The following GBF1 variants were observed in gnomAD, a reference collection of about 807,000 sequenced individuals.
GBF1 encodes the protein Golgi-specific brefeldin A-resistance guanine nucleotide exchange factor 1.
GBF1 carries 114 observed loss-of-function variants against 210.5 expected under a neutral mutation model. The ratio of observed to expected loss-of-function variants is 0.54; its 90% CI spans 0.47 to 0.63. The LOEUF is 0.63. GBF1 is among the 30% of genes least tolerant of loss of function. The pLI is 0.00. For synonymous variants in GBF1, 850 were observed against 889.2 expected, an observed-to-expected ratio of 0.96 and a Z score of 0.78; for missense variants, 1,851 against 2,357.7, an observed-to-expected ratio of 0.79 and a Z score of 4.45.
At chr10:102,307,368 C>T (rs2077981622) in intron 3 of GBF1, among the ~76,000 whole-genome samples, 1 of 139,938 alleles carries the variant, frequency 7.1e-6, no homozygotes, top group Non-Finnish European at 1.5e-5. Context: ...ATGATAGAGA[C>T]ATATATGAAA....
Position 102,269,464 on chromosome 10 carries a change from G to T in GBF1, c.163+9348G>T, listed in dbSNP as rs1444626101. ...CCTGGAAAGCAGCTTGGGAACTAGA[G>T]GGTAAGAGTAGTTGAGGACATTCAC... On this transcript the variant is annotated intron_variant, in intron 3 of 39. Transcript: ENST00000369983. Among the ~76,000 whole-genome samples, 3 of 152,248 alleles carry T rather than the reference G, an allele frequency of 2.0e-5. No individual in the cohort carries two copies. The East Asian group carries it at 5.8e-4, about 29-fold the overall frequency.
intron 3 of GBF1, among the ~76,000 whole-genome samples, chr10:102,302,565 A>AT (rs1390220744): frequency 6.6e-6 from 1 of 152,182 alleles, no homozygotes; most frequent in African/African-American, 2.4e-5. Context: ...AAAATTATGG[A>AT]TTTAGAGTAT....
intron 3 of GBF1, among the ~76,000 whole-genome samples, chr10:102,303,295 T>A (rs1206335510): frequency 6.6e-6 from 1 of 152,072 alleles, no homozygotes; most frequent in Non-Finnish European, 1.5e-5. Context: ...GCTTTAATTT[T>A]TGTATATGAT....
intron 3 of GBF1, among the ~76,000 whole-genome samples, chr10:102,293,279 C>T (rs776173770): frequency 1.3e-5 from 2 of 152,214 alleles, no homozygotes; most frequent in Non-Finnish European, 2.9e-5. Context: ...CATAGTATAA[C>T]GTATCACTCG....
At position 102,365,609 on chromosome 10, in the gene GBF1, C is replaced by T. The variant is rs1223940945; in HGVS notation, c.2309+10C>T. The T allele has an allele frequency of 6.2e-7, 1 of 1,611,772 alleles. No homozygotes were observed. Among genetic ancestry groups the T allele is most frequent in the Non-Finnish European group, 8.5e-7 (1 of 1,177,966 alleles). ...TGGAGAGCTTTGTGAGGTGAGGAAG[C>T]TGTAAGAAATGTGGGATATAGCCAG... is the stretch of plus-strand genomic sequence containing the variant. On this transcript the variant is annotated intron_variant, in intron 18 of 39. Transcript: ENST00000369983.
Position 102,376,620 on chromosome 10 carries a change from C to G in GBF1, c.4108C>G (p.Leu1370Val), listed in dbSNP as rs150404068. ...GCCCAGCCGCCCAGGCCCTTCACCC[C>G]TGATCAATCAATACAGCCTAACAGT... ...PGPSRPGPSP[L>V]INQYSLTVGL... The change falls in exon 32 of 40, where the codon CTG becomes GTG. Residue 1370 changes from leucine to valine, a missense_variant. Around this residue, in one of 3 missense-constraint regions of GBF1, gnomAD observed 967 missense variants for 1,247.7 expected, o/e 0.78. Coordinates refer to ENST00000369983, the MANE Select transcript of GBF1 (RefSeq NM_001377137.1). 3 of 1,613,840 alleles carry G rather than the reference C, an allele frequency of 1.9e-6. No homozygotes were observed. Among genetic ancestry groups the G allele is most frequent in the Non-Finnish European group, 2.5e-6 (3 of 1,179,702 alleles).
At position 102,343,801 on chromosome 10, in the gene GBF1, A is replaced by C. The variant is rs1220164817; in HGVS notation, c.164-250A>C. On this transcript the variant is annotated intron_variant, in intron 3 of 39. Transcript: ENST00000369983. ...CTCCAAAGCAGGACTCTGTCTGACA[A>C]AAAAAAAAAAAAAAAGATAATATTG... is the stretch of plus-strand genomic sequence containing the variant. 5.2e-4 allele frequency among the ~76,000 whole-genome samples: 8 copies of C among 15,474 alleles called. No homozygotes were observed. In the South Asian group the frequency reaches 0.022, roughly 42 times the overall value. The allele number at this position is 15,474 out of a possible 152,430, so 10.2% of individuals were successfully genotyped here.
chr10:102,247,238 A>ATTTCCCT (rs1280566935), intron 1 of GBF1, among the ~76,000 whole-genome samples: 2 of 152,142 alleles, frequency 1.3e-5, no homozygotes, highest in Non-Finnish European at 2.9e-5. Context: ...AAATTTCATA[A>ATTTCCCT]TTTCCCTTTT....
At chr10:102,378,923 G>C (rs770994972) in intron 33 of GBF1, among the ~76,000 whole-genome samples, 1 of 152,190 alleles carries the variant, frequency 6.6e-6, no homozygotes, top group Non-Finnish European at 1.5e-5. Context: ...GACAGAGTGA[G>C]ACCCTGCCTC....
At chr10:102,236,025 C>T in the GBF1 span, among the ~76,000 whole-genome samples, 2 of 152,008 alleles carry the variant, frequency 1.3e-5, no homozygotes, top group Non-Finnish European at 2.9e-5. Flanking sequence ...GGGACCTGAC[C>T]GTGAAACTGA....
the GBF1 span, among the ~76,000 whole-genome samples, chr10:102,236,203 A>G: frequency 6.6e-6 from 1 of 152,216 alleles, no homozygotes; most frequent in Non-Finnish European, 1.5e-5. Flanking sequence ...AGCTCCCCCA[A>G]ACTGCTGGAG....
intron 12 of GBF1, 137 bp downstream of exon 12, chr10:102,360,532 G>C: frequency 1.6e-6 from 1 of 635,544 alleles, no homozygotes; most frequent in Non-Finnish European, 2.8e-6. Context: ...TTTAGTAAGA[G>C]GGTTCCAGTA....
chr10:102,335,920 T>C (rs2057696602), intron 3 of GBF1, among the ~76,000 whole-genome samples: 1 of 152,194 alleles, frequency 6.6e-6, no homozygotes, highest in Non-Finnish European at 1.5e-5. Flanking sequence ...CCACCCGTTA[T>C]CTCAGTATTT....
chr10:102,341,096 C>G (rs967968188), intron 3 of GBF1, among the ~76,000 whole-genome samples: 1 of 152,108 alleles, frequency 6.6e-6, no homozygotes, highest in Non-Finnish European at 1.5e-5. Context: ...ATAAAGAAGT[C>G]TCCAAACTCA....
At chr10:102,259,980 G>C in intron 2 of GBF1, 70 bp from the exon 3 acceptor site, 1 of 831,160 alleles carries the variant, frequency 1.2e-6, no homozygotes, top group South Asian at 1.4e-5. Flanking sequence ...AAGAGCCCTT[G>C]ATCTGTCCTT....
At chr10:102,239,249 A>G in the GBF1 span, among the ~76,000 whole-genome samples, 1 of 152,232 alleles carries the variant, frequency 6.6e-6, no homozygotes, top group African/African-American at 2.4e-5. Context: ...ACAAGGCTTT[A>G]TGCAAGGGTG....
chr10:102,360,917 G>C (rs1280085576), intron 12 of GBF1, 105 bp from the exon 13 acceptor site: 1 of 696,406 alleles, frequency 1.4e-6, no homozygotes, highest in South Asian at 1.6e-5. Context: ...AGAGGTTGCA[G>C]TGAGCTGAGA....
At chr10:102,379,163 G>A (rs967292984) in intron 33 of GBF1, 121 bp from the exon 34 acceptor site, 1 of 846,722 alleles carries the variant, frequency 1.2e-6, no homozygotes, top group Non-Finnish European at 1.9e-6. Context: ...AGGGGGTGAG[G>A]TATGGCATGA....
intron 24 of GBF1, 64 bp from the exon 25 acceptor site, chr10:102,369,647 G>A (rs2060098456): frequency 1.4e-6 from 2 of 1,455,256 alleles, no homozygotes. Context: ...GAACTTTGGT[G>A]GGTGGAGGCG....
Sources: allele counts gnomAD v4.1 joint callset (sites outside exome capture counted in the v4.1 genomes callset), GRCh38; gene constraint gnomAD v4.1.1; regional missense constraint gnomAD v4.1.1; transcripts MANE v1.5; gene names NCBI Gene and HGNC (gene_info 2026-07-23, HGNC 2026-07-21).